SHISA6: variants seen among roughly 807,000 people sequenced by gnomAD.
SHISA6 encodes the protein shisa family member 6, also known as protein shisa-6.
In SHISA6, 22 loss-of-function variants were observed where a neutral mutation model predicts 47.9. The observed-to-expected ratio is 0.46, with a 90% CI of 0.33 to 0.66. The LOEUF (loss-of-function observed/expected upper bound fraction) is 0.66. Ranked by LOEUF, SHISA6 falls within the 30% of genes least tolerant of loss-of-function variation. The pLI is 0.02. For missense variants in SHISA6, 680 were observed against 764.6 expected (o/e 0.89, Z 1.30); for synonymous variants, 388 against 337.8 (o/e 1.15, Z -1.63).
chr17:11,533,587 ATTTTTTTT>A (rs3038696), intron 3 of SHISA6, among the ~76,000 whole-genome samples: 1 of 94,998 alleles, frequency 1.1e-5, no homozygotes, highest in African/African-American at 3.8e-5. Flanking sequence ...CCCTTTCATT[ATTTTTTTT>A]TTTTTTTTTT....
rs1465425213 is a variant in SHISA6, at chr17:11,551,951, T to C, written c.951T>C (p.His317=). 1.9e-6 allele frequency: 3 copies of C among 1,551,558 alleles called. No individual in the cohort carries two copies. Among genetic ancestry groups the C allele is most frequent in the African/African-American group, 2.7e-5 (2 of 73,054 alleles). The stretch of plus-strand genomic sequence containing the variant: ...GCAGTGTTACCCAGATCCCGCCACA[T>C]GGTGAGAGATGATTGAGAGCACTCT... ...ILSSVTQIPP[H]EKPRMNNILT... is the part of the protein sequence containing the mutation. The change falls in exon 4 of 6, where the codon CAT becomes CAC. Residue 317 remains histidine, a splice_region_variant and synonymous_variant. Coordinates refer to ENST00000441885, the MANE Select transcript of SHISA6 (RefSeq NM_207386.4).
At chr17:11,527,762 G>A (rs112982172) in intron 3 of SHISA6, among the ~76,000 whole-genome samples, 11 of 152,230 alleles carry the variant, frequency 7.2e-5, no homozygotes, top group East Asian at 5.8e-4. Context: ...AAGAGAGACC[G>A]TACAGCCTAC....
At chr17:11,251,673 T>C (rs1033289227) in intron 1 of SHISA6, among the ~76,000 whole-genome samples, 8 of 152,280 alleles carry the variant, frequency 5.3e-5, no homozygotes, top group African/African-American at 7.2e-5. Context: ...GACACAGCAC[T>C]TTAGCCAGCT....
intron 3 of SHISA6, among the ~76,000 whole-genome samples, chr17:11,412,603 G>T (rs374754334): frequency 6.6e-6 from 1 of 151,168 alleles, no homozygotes; most frequent in African/African-American, 2.4e-5. Flanking sequence ...GTGCAGTGGC[G>T]CGATCTTGGC....
intron 3 of SHISA6, among the ~76,000 whole-genome samples, chr17:11,434,436 A>T (rs1204420403): frequency 2.0e-5 from 3 of 152,098 alleles, no homozygotes; most frequent in East Asian, 1.9e-4. Context: ...TGTTATTTTC[A>T]TATTTGGAGT....
chr17:11,503,914 A>G (rs1334500207), intron 3 of SHISA6, among the ~76,000 whole-genome samples: 1 of 152,230 alleles, frequency 6.6e-6, no homozygotes, highest in African/African-American at 2.4e-5. Context: ...TGCTCTCTGC[A>G]GCCTTCTGCT....
In SHISA6 at chr17:11,558,274, C is replaced by T; in HGVS notation, c.1626C>T (p.Tyr542=). 2.6e-6 allele frequency: 4 copies of T among 1,539,364 alleles called. No individual in the cohort carries two copies. Among genetic ancestry groups the T allele is most frequent in the Non-Finnish European group, 3.5e-6 (4 of 1,146,908 alleles). The part of the protein sequence containing the change: ...LHYIPGHHTC[Y]TASKTEVTV ...ACATCCCGGGCCACCACACCTGCTA[C>T]ACAGCCAGCAAGACCGAAGTGACCG... Residue 542 remains tyrosine, a synonymous_variant, in exon 6 of 6, where the codon TAC becomes TAT. Coordinates refer to ENST00000441885, the MANE Select transcript of SHISA6 (RefSeq NM_207386.4).
At chr17:11,277,318 A>ACCC (rs1555525234) in intron 2 of SHISA6, among the ~76,000 whole-genome samples, 5 of 128,082 alleles carry the variant, frequency 3.9e-5, no homozygotes, top group South Asian at 2.6e-4. Flanking sequence ...ACACACACAC[A>ACCC]CCCCGCATGT....
At position 11,379,421 on chromosome 17, in the gene SHISA6, T is replaced by C; in HGVS notation, c.807T>C (p.Tyr269=). 1.3e-6 allele frequency: 2 copies of C among 1,538,004 alleles called. No individual in the cohort carries two copies. Among genetic ancestry groups the C allele is most frequent in the South Asian group, 2.4e-5 (2 of 81,842 alleles). The change falls in exon 3 of 6, where the codon TAT becomes TAC. Residue 269 remains tyrosine (Y), a synonymous_variant. Coordinates refer to ENST00000441885, the MANE Select transcript of SHISA6 (RefSeq NM_207386.4). ...TGCCCCATCTTCTTGCAGGGCATTA[T>C]GGGAAGGATGCTTACCGAAGTGGAG... The part of the protein sequence containing the change: ...VRTAKQTPGH[Y]GKDAYRSGGP...
At chr17:11,518,830 G>T (rs540815903) in intron 3 of SHISA6, among the ~76,000 whole-genome samples, 1 of 152,258 alleles carries the variant, frequency 6.6e-6, no homozygotes, top group South Asian at 2.1e-4. Context: ...GGATTATTTT[G>T]TACCTTCTGT....
chr17:11,309,891 C>T (rs1287207900), intron 2 of SHISA6, among the ~76,000 whole-genome samples: 3 of 152,346 alleles, frequency 2.0e-5, no homozygotes, highest in Middle Eastern at 3.4e-3. Flanking sequence ...TTTGGTCATT[C>T]ATTCACTCAC....
chr17:11,251,016 A>C (rs1017154132), intron 1 of SHISA6, among the ~76,000 whole-genome samples: 1 of 152,040 alleles, frequency 6.6e-6, no homozygotes, highest in East Asian at 1.9e-4. Context: ...GTAGGGGCCC[A>C]TGTTGTAGAT....
intron 2 of SHISA6, among the ~76,000 whole-genome samples, chr17:11,336,535 G>A (rs1911329342): frequency 6.6e-6 from 1 of 152,154 alleles, no homozygotes; most frequent in South Asian, 2.1e-4. Context: ...GCCCCTGGCT[G>A]TCCACACTCA....
rs914478854 is a variant in SHISA6, at chr17:11,241,916, A to G, written c.494A>G (p.Asn165Ser). Residue 165 changes from asparagine to serine, a missense_variant, in exon 1 of 6, where the codon AAC (asparagine) becomes AGC (serine). Physicochemically the swap from Asn to Ser is conservative, Grantham distance 46 (BLOSUM62 1). Transcript: ENST00000441885. This position sits in a 1 kb window ranked among gnomAD's most constrained non-coding sequence, Gnocchi z 5.5. ...STKVVSPGPE[N>S]KYDPEKDKTN... is the part of the protein sequence containing the mutation. The stretch of plus-strand genomic sequence containing the variant: ...AAGGTGGTGTCGCCGGGGCCCGAGA[A>G]CAAGTACGACCCGGAGAAGGACAAG... 1.4e-5 allele frequency: 21 copies of G among 1,550,946 alleles called. No individual in the cohort carries two copies. In the African/African-American group the frequency reaches 2.6e-4, roughly 19 times the overall value.
chr17:11,382,022 G>A (rs1913026481), intron 3 of SHISA6, among the ~76,000 whole-genome samples: 1 of 152,144 alleles, frequency 6.6e-6, no homozygotes, highest in Admixed American at 6.5e-5. Flanking sequence ...TGAGGTTGGT[G>A]GTTGGGGGTA....
At chr17:11,258,611 C>T (rs1908103624) in intron 1 of SHISA6, among the ~76,000 whole-genome samples, 1 of 152,160 alleles carries the variant, frequency 6.6e-6, no homozygotes, top group Admixed American at 6.5e-5. Flanking sequence ...GTAGATCCTG[C>T]CAGACTACTG....
chr17:11,524,007 CAAA>C (rs2071653630), intron 3 of SHISA6, among the ~76,000 whole-genome samples: 1 of 110,960 alleles, frequency 9.0e-6, no homozygotes. Flanking sequence ...AACTCGGTCT[CAAA>C]GAAAAAAGAA....
At chr17:11,480,981 C>G (rs1202696650) in intron 3 of SHISA6, among the ~76,000 whole-genome samples, 1 of 152,064 alleles carries the variant, frequency 6.6e-6, no homozygotes, top group Non-Finnish European at 1.5e-5. Flanking sequence ...TACAAGTAAT[C>G]TTAAAGATAT....
intron 3 of SHISA6, among the ~76,000 whole-genome samples, chr17:11,388,813 TATATATATATATATATATA>T (rs1567592119): frequency 1.1e-4 from 11 of 97,858 alleles, no homozygotes; most frequent in East Asian, 3.8e-4. Context: ...TATATATATA[TATATATATATATATATATA>T]TATATATATT....
Sources: gnomAD v4.1 joint callset for allele counts (sites outside exome capture counted in the v4.1 genomes callset) on GRCh38, gnomAD v4.1.1 for gene constraint, Gnocchi (gnomAD v3.1) non-coding constraint, MANE v1.5 for transcripts, NCBI Gene and HGNC (gene_info 2026-07-23, HGNC 2026-07-21) for gene names.